ORC2: variants seen among roughly 807,000 people sequenced by gnomAD.
ORC2 encodes origin recognition complex protein 2 homolog.
ORC2 carries 37 observed loss-of-function variants against 77.7 expected under a neutral mutation model. The observed-to-expected ratio is 0.48, with a 90% CI of 0.37 to 0.63. The LOEUF is 0.63. Among genes scored for constraint, ORC2 ranks in the 20% least tolerant of loss-of-function variants. The probability of loss-of-function intolerance (pLI) is 0.00; values close to 1 mark genes in which losing one functional copy is unlikely to be tolerated. For synonymous variants in ORC2, 201 were observed against 229.5 expected, an observed-to-expected ratio of 0.88 and a Z score of 1.12; for missense variants, 557 against 661.9, an observed-to-expected ratio of 0.84 and a Z score of 1.74.
At chr2:200,948,152 A>G (rs1210886105) in intron 5 of ORC2, among the ~76,000 whole-genome samples, 4 of 151,542 alleles carry the variant, frequency 2.6e-5, no homozygotes, top group Non-Finnish European at 5.9e-5. Flanking sequence ...TGACCTTGTG[A>G]TCCACCTGCC....
intron 13 of ORC2, among the ~76,000 whole-genome samples, chr2:200,923,653 A>AT (rs1247531483): frequency 6.6e-6 from 1 of 152,122 alleles, no homozygotes; most frequent in African/African-American, 2.4e-5. Context: ...ATACACAGGT[A>AT]TTTTTTCCCC....
intron 15 of ORC2, among the ~76,000 whole-genome samples, chr2:200,917,413 A>G (rs548063734): frequency 6.6e-6 from 1 of 152,068 alleles, no homozygotes; most frequent in African/African-American, 2.4e-5. Context: ...CAGGCTCCCA[A>G]AGTAGTAGAA....
intron 1 of ORC2, among the ~76,000 whole-genome samples, chr2:200,961,747 A>C (rs534299201): frequency 3.2e-4 from 48 of 152,370 alleles, no homozygotes; most frequent in African/African-American, 1.1e-3. Context: ...ATTATAATTT[A>C]TAAATGCTAA....
chr2:200,941,540 C>T (rs1033325674), intron 6 of ORC2, among the ~76,000 whole-genome samples: 12 of 149,724 alleles, frequency 8.0e-5, no homozygotes, highest in Non-Finnish European at 1.5e-4. Flanking sequence ...ACATAGAAGC[C>T]ACCACATTAT....
chr2:200,957,221 T>G (rs2125036470), intron 4 of ORC2, among the ~76,000 whole-genome samples, 180 bp downstream of exon 4: 1 of 152,292 alleles, frequency 6.6e-6, no homozygotes, highest in South Asian at 2.1e-4. Context: ...TACTGAAAAC[T>G]ATGTGCAGGA....
intron 7 of ORC2, among the ~76,000 whole-genome samples, chr2:200,940,662 C>T (rs542470003): frequency 6.6e-5 from 10 of 152,030 alleles, no homozygotes; most frequent in African/African-American, 2.4e-4. Context: ...ATTAGCCAGG[C>T]GTGGTGGTGC....
At chr2:200,962,374 A>T (rs923822725) in intron 1 of ORC2, among the ~76,000 whole-genome samples, 2 of 152,242 alleles carry the variant, frequency 1.3e-5, no homozygotes, top group African/African-American at 4.8e-5. Flanking sequence ...GAAAACAAAT[A>T]AAAGATTTGC....
Position 200,911,017 on chromosome 2 carries a change from T to G in ORC2, c.*284A>C. ...ATAAAATAATTCAAAAACATCCAGT[T>G]CCAAATAGTCCCTGAGCACACTGTT... On this transcript the variant is annotated 3_prime_UTR_variant, in exon 18 of 18. Transcript: ENST00000234296. 3.8e-6 allele frequency: 1 copy of G among 261,566 alleles called. No individual in the cohort carries two copies. The highest frequency in any genetic ancestry group is 7.3e-6 in the Non-Finnish European group (1 of 136,292). The allele number at this position is 261,566 out of a possible 1,614,324, so 16.2% of individuals were successfully genotyped here.
At chr2:200,933,719 T>C (rs376770530) in intron 10 of ORC2, among the ~76,000 whole-genome samples, 157 bp downstream of exon 10, 1 of 152,218 alleles carries the variant, frequency 6.6e-6, no homozygotes, top group East Asian at 1.9e-4. Flanking sequence ...CTATTTACTA[T>C]TTATATAATA....
intron 5 of ORC2, among the ~76,000 whole-genome samples, chr2:200,947,381 ATTAC>A (rs1428585807): frequency 2.0e-5 from 3 of 152,182 alleles, no homozygotes; most frequent in African/African-American, 7.2e-5. Flanking sequence ...AGGTTTTATA[ATTAC>A]TTCTCATATA....
At position 200,909,766 on chromosome 2, in the gene ORC2, A is replaced by G. The variant is rs2040519742; in HGVS notation, c.*1535T>C. On this transcript the variant is annotated 3_prime_UTR_variant, in exon 18 of 18. Coordinates refer to ENST00000234296, the MANE Select transcript of ORC2 (RefSeq NM_006190.5). ...CATAAAATTACTTTTTAAAAAAATGATTTAAAAAAAAAAAAAGACAAGGTC... is the reference window on the plus strand; with the variant it reads ...CATAAAATTACTTTTTAAAAAAATGGTTTAAAAAAAAAAAAAGACAAGGTC... 1 of 148,124 alleles carries G rather than the reference A, an allele frequency of 6.8e-6. No homozygotes were observed. Among genetic ancestry groups the G allele is most frequent in the African/African-American group, 2.5e-5 (1 of 40,560 alleles). The allele number at this position is 148,124 out of a possible 1,614,324, so 9.2% of individuals were successfully genotyped here. A position where few individuals can be genotyped will look rare whatever the true frequency, so the allele number is the denominator to read the frequency against.
intron 13 of ORC2, among the ~76,000 whole-genome samples, chr2:200,922,558 A>G (rs920766805): frequency 6.6e-6 from 1 of 151,348 alleles, no homozygotes; most frequent in Non-Finnish European, 1.5e-5. Context: ...GTGATAGAGT[A>G]TAAGTCTTTC....
intron 5 of ORC2, among the ~76,000 whole-genome samples, chr2:200,947,109 C>T (rs1306770670): frequency 1.3e-5 from 2 of 151,866 alleles, no homozygotes; most frequent in African/African-American, 4.8e-5. Flanking sequence ...ACCATGTTGG[C>T]CAGGCTGGTC....
At chr2:200,948,334 C>T (rs909217384) in intron 5 of ORC2, among the ~76,000 whole-genome samples, 1 of 152,124 alleles carries the variant, frequency 6.6e-6, no homozygotes, top group Non-Finnish European at 1.5e-5. Flanking sequence ...CAGGCATGAG[C>T]TACCATGCCT....
chr2:200,942,231 T>C (rs775839701), intron 6 of ORC2, among the ~76,000 whole-genome samples: 2 of 152,076 alleles, frequency 1.3e-5, no homozygotes, highest in Non-Finnish European at 2.9e-5. Flanking sequence ...GCAAGTGACA[T>C]TGGTGTTCAA....
chr2:200,911,529 C>T (rs2040551808), intron 17 of ORC2, 142 bp from the exon 18 acceptor site: 1 of 551,282 alleles, frequency 1.8e-6, no homozygotes, highest in Non-Finnish European at 3.2e-6. Context: ...AAAGGGCACA[C>T]AGTCATATAT....
chr2:200,926,023 A>G, intron 12 of ORC2, 91 bp from the exon 13 acceptor site: 2 of 528,778 alleles, frequency 3.8e-6, no homozygotes, highest in Non-Finnish European at 3.3e-6. Context: ...TAAATTAAAA[A>G]TGAATTTGGA....
chr2:200,915,990 C>T (rs922529905), intron 15 of ORC2, among the ~76,000 whole-genome samples: 7 of 152,148 alleles, frequency 4.6e-5, no homozygotes, highest in East Asian at 1.9e-4. Flanking sequence ...CCACCGCATC[C>T]GGCCCTCAAT....
intron 11 of ORC2, among the ~76,000 whole-genome samples, chr2:200,927,401 A>T (rs2040858660): frequency 6.6e-6 from 1 of 151,074 alleles, no homozygotes; most frequent in Admixed American, 6.6e-5. Flanking sequence ...TTTTTATTTA[A>T]AAAAAAAATT....
Sources: gnomAD v4.1 joint callset for allele counts (sites outside exome capture counted in the v4.1 genomes callset) on GRCh38, gnomAD v4.1.1 for gene constraint, MANE v1.5 for transcripts, NCBI Gene and HGNC (gene_info 2026-07-23, HGNC 2026-07-21) for gene names.